CST7: variants seen among roughly 807,000 people sequenced by gnomAD.
CST7 encodes the protein cystatin-F.
In CST7, 15 loss-of-function variants were observed where a neutral mutation model predicts 13.1. The observed-to-expected ratio is 1.14, with a 90% confidence interval of 0.77 to 1.76. The LOEUF is 1.76. CST7 is among the 40% of genes most tolerant of loss of function. The pLI is 0.00. For missense variants in CST7, 193 were observed against 178.8 expected (o/e 1.08, Z -0.45); for synonymous variants, 75 against 66.9 (o/e 1.12, Z -0.59).
chr20:24,959,063 C>G lies in CST7; in HGVS notation c.360+19C>G. The G allele has an allele frequency of 3.2e-6, 5 of 1,563,926 alleles. No individual in the cohort carries two copies. Among genetic ancestry groups the G allele is most frequent in the Non-Finnish European group, 3.5e-6 (4 of 1,134,406 alleles). ...GAAGCAGGTAAAGCAGCAGGCCCTTCTCTCAGATGTGCCCTCTCTTCCCCA... is the reference window on the plus strand; with the variant it reads ...GAAGCAGGTAAAGCAGCAGGCCCTTGTCTCAGATGTGCCCTCTCTTCCCCA... On this transcript the variant is annotated intron_variant, in intron 3 of 3. Coordinates refer to ENST00000480798, the MANE Select transcript of CST7 (RefSeq NM_003650.4).
At chr20:24,952,929 T>A (rs908945569) in intron 1 of CST7, among the ~76,000 whole-genome samples, 2 of 150,868 alleles carry the variant, frequency 1.3e-5, no homozygotes, top group Non-Finnish European at 2.9e-5. Context: ...GTGGGAAGGG[T>A]CTGCCTGGTG....
At chr20:24,952,430 T>C (rs112072333) in intron 1 of CST7, among the ~76,000 whole-genome samples, 2,250 of 152,140 alleles carry the variant, frequency 0.015, 62 homozygotes, top group African/African-American at 0.051. Flanking sequence ...CCTCAAAAGA[T>C]AGACTCCGCC....
At position 24,957,394 on chromosome 20, in the gene CST7, T is replaced by C. The variant is rs769301621; in HGVS notation, c.178T>C (p.Phe60Leu). Residue 60 changes from phenylalanine (F) to leucine (L), a missense_variant, in exon 2 of 4, where the codon TTC becomes CTC. By Grantham distance (22) the Phe-to-Leu change is conservative. Coordinates refer to ENST00000480798, the MANE Select transcript of CST7 (RefSeq NM_003650.4). ...LQAARYSVEK[F>L]NNCTNDMFLF... ...AGCAGCCAGATACAGTGTTGAAAAG[T>C]TCAACAACTGCACGAACGACATGTT... is the stretch of plus-strand genomic sequence containing the variant. 2.0e-5 allele frequency: 33 copies of C among 1,613,578 alleles called. No individual in the cohort carries two copies. The highest frequency in any genetic ancestry group is 2.8e-5 in the Non-Finnish European group (33 of 1,179,778).
chr20:24,954,716 G>C (rs962893064), intron 1 of CST7, among the ~76,000 whole-genome samples: 1 of 152,098 alleles, frequency 6.6e-6, no homozygotes, highest in Admixed American at 6.6e-5. Flanking sequence ...TAACCTTTTT[G>C]TAACTTTACC....
At chr20:24,951,295 G>T (rs545461612) in intron 1 of CST7, among the ~76,000 whole-genome samples, 1 of 152,206 alleles carries the variant, frequency 6.6e-6, no homozygotes, top group African/African-American at 2.4e-5. Flanking sequence ...CTGAACAGAG[G>T]TGGCTCGGGG....
In CST7 at chr20:24,957,636, T is replaced by C. The variant is rs113065023; in HGVS notation, c.243+177T>C. On this transcript the variant is annotated intron_variant, in intron 2 of 3. Transcript: ENST00000480798. ...TGGACAGCAGCAGCTGAGGCCAGCA[T>C]CCCCCAGGGCCAAGCGCAAAGGTTA... 6.1e-3 allele frequency among the ~76,000 whole-genome samples: 930 copies of C among 152,098 alleles called. 15 individuals carry two copies. The highest frequency in any genetic ancestry group is 0.022 in the African/African-American group (906 of 41,476).
In CST7 at chr20:24,949,419, A is replaced by C. The variant is rs73342985; in HGVS notation, c.-87A>C. The stretch of plus-strand genomic sequence containing the variant: ...CCAAGAAGGCTCGGCACGGGCACCA[A>C]CCACTGCCTCCAACTGCCCCATGCT... On this transcript the variant is annotated 5_prime_UTR_variant, in exon 1 of 4. Coordinates refer to ENST00000480798, the MANE Select transcript of CST7 (RefSeq NM_003650.4). 269 of 1,609,974 alleles carry C rather than the reference A, an allele frequency of 1.7e-4. 1 individual carries two copies. The African/African-American group carries it at 2.8e-3, about 17-fold the overall frequency.
At chr20:24,955,675 T>G (rs956871489) in intron 1 of CST7, among the ~76,000 whole-genome samples, 2 of 152,168 alleles carry the variant, frequency 1.3e-5, no homozygotes, top group Non-Finnish European at 2.9e-5. Context: ...GGCCTCGATC[T>G]CCTGACCTCG....
intron 1 of CST7, 105 bp downstream of exon 1, chr20:24,949,680 C>T (rs950132332): frequency 1.4e-6 from 2 of 1,432,152 alleles, no homozygotes; most frequent in South Asian, 1.3e-5. Context: ...GGAGCCCCCA[C>T]AGGACCATGC....
Position 24,959,651 on chromosome 20 carries a change from C to A in CST7, c.377C>A (p.Ser126Tyr). The change falls in exon 4 of 4, where the codon TCT becomes TAT. Residue 126 changes from serine (S) to tyrosine (Y), a missense_variant. Coordinates refer to ENST00000480798, the MANE Select transcript of CST7 (RefSeq NM_003650.4). ...CTGTTTCAGACTCTGAGCTGCTACTCTGAAGTCTGGGTCGTGCCCTGGCTC... is the reference window on the plus strand; with the variant it reads ...CTGTTTCAGACTCTGAGCTGCTACTATGAAGTCTGGGTCGTGCCCTGGCTC... ...HTLKQTLSCYSEVWVVPWLQH... is the reference protein window; with the variant it reads ...HTLKQTLSCYYEVWVVPWLQH... The A allele has an allele frequency of 1.2e-6, 2 of 1,614,132 alleles. No homozygotes were observed. Among genetic ancestry groups the A allele is most frequent in the Non-Finnish European group, 1.7e-6 (2 of 1,180,016 alleles).
rs367843013 is a variant in CST7, at chr20:24,953,487, T to A, written c.71-3800T>A. ...CAGCAGCCTGATTCAAGCTTAATTA[T>A]GAGTATCTTTCTGTCCAGAACCTGG... On this transcript the variant is annotated intron_variant, in intron 1 of 3. Transcript: ENST00000480798. Among the ~76,000 whole-genome samples the A allele has an allele frequency of 1.6e-4, 25 of 152,270 alleles. 1 individual carries two copies. Among genetic ancestry groups the A allele is most frequent in the African/African-American group, 6.0e-4 (25 of 41,558 alleles).
Position 24,949,468 on chromosome 20 carries a change from A to AC in CST7, c.-33dup. Reference sequence around the variant, plus strand: ...CTGCCTGAGAAGGCACTGCACGGCCACCCCCAACTGCCCCGCACTGTCCCT... The same window carrying AC: ...CTGCCTGAGAAGGCACTGCACGGCCACCCCCCAACTGCCCCGCACTGTCCCT... On this transcript the variant is annotated 5_prime_UTR_variant, in exon 1 of 4. Coordinates refer to ENST00000480798, the MANE Select transcript of CST7 (RefSeq NM_003650.4). 1 of 1,613,690 alleles carries AC rather than the reference A, an allele frequency of 6.2e-7. No homozygotes were observed. The highest frequency in any genetic ancestry group is 2.2e-5 in the East Asian group (1 of 44,846).
At position 24,949,515 on chromosome 20, in the gene CST7, G is replaced by C; in HGVS notation, c.10G>C (p.Ala4Pro). The change falls in exon 1 of 4, where the codon GCT becomes CCT. Residue 4 changes from alanine to proline, a missense_variant. Coordinates refer to ENST00000480798, the MANE Select transcript of CST7 (RefSeq NM_003650.4). ...CCCTACCCGGGCAGCCATGCGAGCGGCTGGAACTCTGCTGGCCTTCTGCTG... is the reference window on the plus strand; with the variant it reads ...CCCTACCCGGGCAGCCATGCGAGCGCCTGGAACTCTGCTGGCCTTCTGCTG... MRA[A>P]GTLLAFCCLV... The C allele has an allele frequency of 6.2e-7, 1 of 1,614,126 alleles. No homozygotes were observed. Among genetic ancestry groups the C allele is most frequent in the Non-Finnish European group, 8.5e-7 (1 of 1,180,040 alleles).
At chr20:24,959,583 G>A in intron 3 of CST7, 52 bp from the exon 4 acceptor site, 1 of 1,561,632 alleles carries the variant, frequency 6.4e-7, no homozygotes. Context: ...ACGGGCAGAG[G>A]GCTCCCCGCA....
chr20:24,959,000 C>CG lies in CST7; in HGVS notation c.317dup (p.Leu107SerfsTer3). On this transcript the variant is annotated frameshift_variant, in exon 3 of 4. Transcript: ENST00000480798. LOFTEE classifies it high-confidence loss of function. ...TACCTGCAAGAAAAACCAGCACCTG[C>CG]GTCTGGATGACTGTGACTTCCAAAC... 6.2e-7 allele frequency: 1 copy of CG among 1,614,036 alleles called. No homozygotes were observed. The highest frequency in any genetic ancestry group is 8.5e-7 in the Non-Finnish European group (1 of 1,179,910).
intron 1 of CST7, among the ~76,000 whole-genome samples, chr20:24,951,287 G>C (rs1404707517): frequency 1.3e-5 from 2 of 152,198 alleles, no homozygotes; most frequent in African/African-American, 4.8e-5. Flanking sequence ...TGGGGAGGCT[G>C]AACAGAGGTG....
At chr20:24,956,481 G>A (rs980775729) in intron 1 of CST7, among the ~76,000 whole-genome samples, 1 of 152,170 alleles carries the variant, frequency 6.6e-6, no homozygotes, top group African/African-American at 2.4e-5. Context: ...TGACTGTGGG[G>A]GAGGCCCCCG....
chr20:24,950,663 A>G lies in CST7; in HGVS notation c.70+1088A>G, dbSNP rs574641605. 5.1e-4 allele frequency among the ~76,000 whole-genome samples: 77 copies of G among 152,300 alleles called. 2 individuals carry two copies. In the South Asian group the frequency reaches 0.016, roughly 31 times the overall value. On this transcript the variant is annotated intron_variant, in intron 1 of 3. Transcript: ENST00000480798. ...AACATGGAGCTGACCCATGGCTGGC[A>G]GAAGGCTGGGGACAGCATACCCGGC...
chr20:24,954,909 T>C (rs1423339638), intron 1 of CST7, among the ~76,000 whole-genome samples: 1 of 152,218 alleles, frequency 6.6e-6, no homozygotes, highest in African/African-American at 2.4e-5. Flanking sequence ...TTTTTTGTTA[T>C]GCTCCTCTGT....
Sources: allele counts gnomAD v4.1 joint callset (sites outside exome capture counted in the v4.1 genomes callset), GRCh38; gene constraint gnomAD v4.1.1; transcripts MANE v1.5; gene names NCBI Gene and HGNC (gene_info 2026-07-23, HGNC 2026-07-21).